SENP7: variants seen among roughly 807,000 people sequenced by gnomAD.
SENP7 encodes the protein sentrin-specific protease 7.
Under a neutral mutation model 141.2 loss-of-function variants are expected in SENP7, and 64 were observed. That is an observed-to-expected ratio of 0.45 (90% CI 0.37 to 0.56). The LOEUF (loss-of-function observed/expected upper bound fraction) is 0.56. Ranked by LOEUF, SENP7 falls within the 20% of genes least tolerant of loss-of-function variation. The pLI, the probability that SENP7 is intolerant of heterozygous loss-of-function variation, is 0.00. For missense variants in SENP7, 1,025 were observed against 1,212.2 expected, an observed-to-expected ratio of 0.85 and a Z score of 2.29; for synonymous variants, 382 against 426.4, an observed-to-expected ratio of 0.90 and a Z score of 1.28.
At chr3:101,502,883 T>G (rs2065446101) in intron 1 of SENP7, among the ~76,000 whole-genome samples, 1 of 151,148 alleles carries the variant, frequency 6.6e-6, no homozygotes, top group African/African-American at 2.4e-5. Flanking sequence ...AACACTGCAT[T>G]CCAGCCTGGG....
chr3:101,373,128 T>C lies in SENP7; in HGVS notation c.678-1002A>G, dbSNP rs563018349. ...TCCAAACATCACCAGTGTAGTGTCA[T>C]AGTTAAAGAAAGGGTTATTGCTGCT... On this transcript the variant is annotated intron_variant, in intron 6 of 23. Transcript: ENST00000394095. 3.6e-3 allele frequency among the ~76,000 whole-genome samples: 548 copies of C among 152,210 alleles called. 5 individuals carry two copies. Among genetic ancestry groups the C allele is most frequent in the African/African-American group, 0.013 (526 of 41,560 alleles).
intron 4 of SENP7, among the ~76,000 whole-genome samples, chr3:101,456,588 T>C (rs2063356754): frequency 6.6e-6 from 1 of 152,140 alleles, no homozygotes; most frequent in African/African-American, 2.4e-5. Flanking sequence ...CAAACAATTA[T>C]CTTTTTATGC....
At chr3:101,452,023 T>C (rs1055193303) in intron 4 of SENP7, among the ~76,000 whole-genome samples, 1 of 152,194 alleles carries the variant, frequency 6.6e-6, no homozygotes, top group Non-Finnish European at 1.5e-5. Flanking sequence ...AGTCTCAGGA[T>C]ACAAAAATCA....
intron 6 of SENP7, among the ~76,000 whole-genome samples, chr3:101,387,462 C>A (rs1166944839): frequency 1.3e-5 from 2 of 152,188 alleles, no homozygotes; most frequent in South Asian, 2.1e-4. Flanking sequence ...GCCTTGCACA[C>A]ACCACTGGGG....
chr3:101,398,649 A>G (rs1332296985), intron 6 of SENP7, among the ~76,000 whole-genome samples: 2 of 152,154 alleles, frequency 1.3e-5, no homozygotes, highest in Non-Finnish European at 2.9e-5. Flanking sequence ...TTTTTCCAAA[A>G]TACAAGTATG....
At chr3:101,435,143 C>T (rs1432798916) in intron 4 of SENP7, among the ~76,000 whole-genome samples, 1 of 152,030 alleles carries the variant, frequency 6.6e-6, no homozygotes, top group Non-Finnish European at 1.5e-5. Context: ...CATGATTCAT[C>T]ATATCAACAG....
At chr3:101,455,533 T>C (rs530232914) in intron 4 of SENP7, among the ~76,000 whole-genome samples, 24 of 152,138 alleles carry the variant, frequency 1.6e-4, no homozygotes, top group African/African-American at 5.8e-4. Flanking sequence ...CAGCATAATT[T>C]GATTTAAAAA....
Position 101,372,084 on chromosome 3 carries a change from C to T in SENP7, c.720G>A (p.Lys240=). 1 of 1,569,102 alleles carries T rather than the reference C, an allele frequency of 6.4e-7. No individual in the cohort carries two copies. Among genetic ancestry groups the T allele is most frequent in the Admixed American group, 1.7e-5 (1 of 59,230 alleles). Reference sequence around the variant, plus strand: ...GTTTTTCTTTATTGTGCGCAGTCTGCTTTGCAGAATTGTCATCTACTGTCT... The same window carrying T: ...GTTTTTCTTTATTGTGCGCAGTCTGTTTTGCAGAATTGTCATCTACTGTCT... ...RSKTVDDNSA[K]QTAHNKEKRR... Residue 240 remains lysine, a synonymous_variant, in exon 7 of 24, where the codon AAG becomes AAA. Coordinates refer to ENST00000394095, the MANE Select transcript of SENP7 (RefSeq NM_020654.5).
intron 12 of SENP7, among the ~76,000 whole-genome samples, chr3:101,348,891 C>A (rs1409416418): frequency 6.6e-6 from 1 of 152,078 alleles, no homozygotes; most frequent in African/African-American, 2.4e-5. Flanking sequence ...AAATATCAGT[C>A]AAGCGTAAAC....
In SENP7 at chr3:101,417,797, T is replaced by C. The variant is rs1239083143; in HGVS notation, c.285-7A>G. On this transcript the variant is annotated splice_region_variant and splice_polypyrimidine_tract_variant and intron_variant, in intron 4 of 23. Transcript: ENST00000394095. ...CAACATAACTTTGAGTTGCCTGTTA[T>C]ACACATAAATAATTAGTATATATGG... 6.9e-6 allele frequency: 11 copies of C among 1,602,062 alleles called. No homozygotes were observed. The highest frequency in any genetic ancestry group is 2.7e-5 in the African/African-American group (2 of 74,668).
At chr3:101,502,850 C>T (rs1309735016) in intron 1 of SENP7, among the ~76,000 whole-genome samples, 6 of 150,704 alleles carry the variant, frequency 4.0e-5, no homozygotes, top group African/African-American at 1.5e-4. Flanking sequence ...TGGGAGGTTA[C>T]AGCTGCAGCG....
chr3:101,474,486 T>C (rs2064135276), intron 3 of SENP7, among the ~76,000 whole-genome samples: 1 of 152,134 alleles, frequency 6.6e-6, no homozygotes. Flanking sequence ...AGTTTGATTG[T>C]TGTTGGTATA....
chr3:101,336,404 C>G lies in SENP7; in HGVS notation c.2480+1105G>C, dbSNP rs559784048. On this transcript the variant is annotated intron_variant, in intron 17 of 23. Coordinates refer to ENST00000394095, the MANE Select transcript of SENP7 (RefSeq NM_020654.5). Reference sequence around the variant, plus strand: ...TCTCATAGCCATTTTTTAAAGCAATCTAGTACAATAAAAACTTTGGACTAG... The same window carrying G: ...TCTCATAGCCATTTTTTAAAGCAATGTAGTACAATAAAAACTTTGGACTAG... Among the ~76,000 whole-genome samples, 4 of 152,150 alleles carry G rather than the reference C, an allele frequency of 2.6e-5. No individual in the cohort carries two copies. The East Asian group carries it at 5.8e-4, about 22-fold the overall frequency.
At position 101,343,827 on chromosome 3, in the gene SENP7, C is replaced by A. The variant is rs200697324; in HGVS notation, c.1965G>T (p.Leu655Phe). 1.5e-4 allele frequency: 249 copies of A among 1,613,876 alleles called. No individual in the cohort carries two copies. The highest frequency in any genetic ancestry group is 1.1e-3 in the Admixed American group (65 of 59,996). The change falls in exon 14 of 24, where the codon TTG becomes TTT. Residue 655 changes from leucine (L) to phenylalanine (F), a missense_variant. Physicochemically the swap from Leu to Phe is conservative, Grantham distance 22 (BLOSUM62 0). Around this residue, in one of 4 missense-constraint regions of SENP7, gnomAD observed 228 missense variants for 228.5 expected, o/e 1.00. Transcript: ENST00000394095. Reference protein sequence around the residue: ...ISGELELSYPLSWVQAFPLFQ... With the variant: ...ISGELELSYPFSWVQAFPLFQ... ...ACAAAGGAAATGCCTGAACCCAAGA[C>A]AACGGGTAAGAAAGCTCTAATTCTC...
At chr3:101,479,590 CAG>C in intron 3 of SENP7, among the ~76,000 whole-genome samples, 1 of 148,678 alleles carries the variant, frequency 6.7e-6, no homozygotes, top group Admixed American at 6.9e-5. Context: ...GCTTGGGTGA[CAG>C]AGTGAAACTG....
At chr3:101,353,748 T>A (rs563730324) in intron 11 of SENP7, among the ~76,000 whole-genome samples, 1 of 152,098 alleles carries the variant, frequency 6.6e-6, no homozygotes, top group South Asian at 2.1e-4. Context: ...ACTAAAAAAA[T>A]AACCAGTGTC....
At chr3:101,347,783 GA>G in intron 13 of SENP7, 88 bp downstream of exon 13, 2 of 568,416 alleles carry the variant, frequency 3.5e-6, no homozygotes, top group Non-Finnish European at 5.6e-6. Context: ...TCAATTCACT[GA>G]AATAACATTC....
intron 6 of SENP7, among the ~76,000 whole-genome samples, chr3:101,379,996 G>A (rs779211330): frequency 6.6e-6 from 1 of 152,160 alleles, no homozygotes; most frequent in Non-Finnish European, 1.5e-5. Flanking sequence ...CCTTAAAAAG[G>A]AAGAACATTC....
At chr3:101,425,507 C>T (rs913617964) in intron 4 of SENP7, among the ~76,000 whole-genome samples, 1 of 152,122 alleles carries the variant, frequency 6.6e-6, no homozygotes, top group Non-Finnish European at 1.5e-5. Context: ...AAAGACTCTA[C>T]CCAAAGGTTA....
Sources: gnomAD v4.1 joint callset for allele counts (sites outside exome capture counted in the v4.1 genomes callset) on GRCh38, gnomAD v4.1.1 for gene constraint, gnomAD v4.1.1 regional missense constraint, MANE v1.5 for transcripts, NCBI Gene and HGNC (gene_info 2026-07-23, HGNC 2026-07-21) for gene names.